Variants in LRBA observed in about 807,000 individuals in gnomAD.
LRBA encodes LPS responsive beige-like anchor protein, also known as lipopolysaccharide-responsive and beige-like anchor protein.
In LRBA, 176 loss-of-function variants were observed where a neutral mutation model predicts 330.0. The observed-to-expected ratio is 0.53, with a 90% CI of 0.47 to 0.60. The LOEUF (loss-of-function observed/expected upper bound fraction) is 0.60. LRBA is among the 20% of genes least tolerant of loss of function. The pLI, the probability that LRBA is intolerant of heterozygous loss-of-function variation, is 0.00. For synonymous variants in LRBA, 1,230 were observed against 1,193.0 expected (o/e 1.03, Z -0.64); for missense variants, 3,259 against 3,444.8 (o/e 0.95, Z 1.35).
intron 17 of LRBA, among the ~76,000 whole-genome samples, chr4:150,891,280 A>G (rs974031065): frequency 2.6e-5 from 4 of 152,236 alleles, no homozygotes; most frequent in Non-Finnish European, 5.9e-5. Flanking sequence ...GTTCAAAGTA[A>G]TAATTATTAG....
intron 37 of LRBA, among the ~76,000 whole-genome samples, chr4:150,682,285 C>T (rs781276960): frequency 4.6e-5 from 7 of 152,240 alleles, no homozygotes; most frequent in Non-Finnish European, 8.8e-5. Context: ...CCATTCTCCT[C>T]GCCATGGGCT....
chr4:150,270,289 C>T (rs967472931), intron 56 of LRBA, among the ~76,000 whole-genome samples: 11 of 152,160 alleles, frequency 7.2e-5, no homozygotes, highest in South Asian at 2.1e-4. Context: ...CATTACTCAC[C>T]ATAGCCAAAA....
chr4:150,731,428 G>C (rs1730441615), intron 36 of LRBA, among the ~76,000 whole-genome samples: 1 of 152,114 alleles, frequency 6.6e-6, no homozygotes, highest in South Asian at 2.1e-4. Context: ...AGAAAATGTG[G>C]TACTTACACA....
At chr4:150,443,847 T>TTAAAA (rs1554027866) in intron 44 of LRBA, among the ~76,000 whole-genome samples, 91 of 53,710 alleles carry the variant, frequency 1.7e-3, no homozygotes, top group African/African-American at 2.2e-3. Flanking sequence ...AAAGTATAAT[T>TTAAAA]AAAAAAATAT....
At chr4:150,584,471 A>AC (rs1491018181) in intron 40 of LRBA, 2 of 37,926 alleles carry the variant, frequency 5.3e-5, no homozygotes, top group African/African-American at 1.9e-4. Flanking sequence ...TCTCCACCCC[A>AC]TCCCCCCCCC....
chr4:150,552,753 T>A (rs1766766245), intron 40 of LRBA, among the ~76,000 whole-genome samples: 1 of 152,022 alleles, frequency 6.6e-6, no homozygotes, highest in Non-Finnish European at 1.5e-5. Flanking sequence ...AACCCAAATG[T>A]CCATCAATGA....
intron 36 of LRBA, among the ~76,000 whole-genome samples, chr4:150,730,983 A>G (rs1450783951): frequency 1.3e-5 from 2 of 152,182 alleles, no homozygotes; most frequent in African/African-American, 4.8e-5. Context: ...ATGTCACTGT[A>G]CTTCAGCCTG....
intron 30 of LRBA, among the ~76,000 whole-genome samples, chr4:150,824,274 C>T (rs1745906244): frequency 6.6e-6 from 1 of 152,112 alleles, no homozygotes; most frequent in Admixed American, 6.6e-5. Context: ...TAATTTTTGT[C>T]ATGCAACTGT....
At chr4:150,464,501 A>G (rs1412518581) in intron 44 of LRBA, among the ~76,000 whole-genome samples, 3 of 152,078 alleles carry the variant, frequency 2.0e-5, no homozygotes, top group African/African-American at 7.2e-5. Flanking sequence ...ATTCCATAAT[A>G]CTATGGGGTC....
chr4:150,991,141 C>A (rs1349037098), intron 2 of LRBA, among the ~76,000 whole-genome samples: 6 of 150,142 alleles, frequency 4.0e-5, no homozygotes, highest in African/African-American at 1.5e-4. Flanking sequence ...GAAGAAGAAA[C>A]AACAACACAA....
intron 20 of LRBA, 57 bp downstream of exon 20, chr4:150,870,468 T>C: frequency 3.4e-6 from 3 of 891,460 alleles, no homozygotes; most frequent in South Asian, 1.3e-5. Flanking sequence ...TTGTTCACAG[T>C]GACTTTCTTT....
intron 37 of LRBA, among the ~76,000 whole-genome samples, chr4:150,647,343 T>A (rs1779240054): frequency 7.6e-6 from 1 of 130,990 alleles, no homozygotes; most frequent in Non-Finnish European, 1.6e-5. Flanking sequence ...AGTAAAATGA[T>A]TACTTTTTCT....
At chr4:150,608,650 C>T (rs1042451285) in intron 37 of LRBA, among the ~76,000 whole-genome samples, 3 of 152,240 alleles carry the variant, frequency 2.0e-5, no homozygotes, top group South Asian at 2.1e-4. Context: ...TACAATTCAA[C>T]GTTTTTTAGT....
chr4:150,536,622 A>G (rs1286554339), intron 40 of LRBA, among the ~76,000 whole-genome samples: 1 of 152,244 alleles, frequency 6.6e-6, no homozygotes, highest in Non-Finnish European at 1.5e-5. Flanking sequence ...CATGAACAGT[A>G]TAAAACAAAC....
intron 40 of LRBA, among the ~76,000 whole-genome samples, chr4:150,502,942 G>C (rs1343362433): frequency 6.6e-6 from 1 of 152,160 alleles, no homozygotes; most frequent in African/African-American, 2.4e-5. Flanking sequence ...CACCCACGGA[G>C]TCTCGCTCAT....
At chr4:150,445,398 T>C (rs1752495284) in intron 44 of LRBA, among the ~76,000 whole-genome samples, 1 of 143,334 alleles carries the variant, frequency 7.0e-6, no homozygotes, top group Non-Finnish European at 1.5e-5. Context: ...TATATATATA[T>C]ATATATATAT....
At chr4:150,516,079 C>T (rs1198101339) in intron 40 of LRBA, among the ~76,000 whole-genome samples, 1 of 151,594 alleles carries the variant, frequency 6.6e-6, no homozygotes, top group African/African-American at 2.4e-5. Context: ...AACTATATAC[C>T]AGAAAATAGT....
At chr4:150,346,124 T>C (rs1736262859) in intron 48 of LRBA, among the ~76,000 whole-genome samples, 1 of 152,172 alleles carries the variant, frequency 6.6e-6, no homozygotes, top group African/African-American at 2.4e-5. Context: ...ATTTTAATGA[T>C]ATTCAGAAAG....
intron 40 of LRBA, among the ~76,000 whole-genome samples, chr4:150,533,724 T>A (rs567526000): frequency 1.3e-5 from 2 of 152,202 alleles, no homozygotes; most frequent in Non-Finnish European, 2.9e-5. Context: ...TGAAAGCAGC[T>A]TCTTTCCCCC....
Sources: gnomAD v4.1 joint callset for allele counts (sites outside exome capture counted in the v4.1 genomes callset) on GRCh38, gnomAD v4.1.1 for gene constraint, MANE v1.5 for transcripts, NCBI Gene and HGNC (gene_info 2026-07-23, HGNC 2026-07-21) for gene names.